THSD4: variants seen among roughly 807,000 people sequenced by gnomAD.
THSD4 encodes the protein thrombospondin type-1 domain-containing protein 4.
THSD4 carries 69 observed loss-of-function variants against 119.0 expected under a neutral mutation model. The observed-to-expected ratio is 0.58, with a 90% CI of 0.48 to 0.71. The LOEUF (loss-of-function observed/expected upper bound fraction) is 0.71, where lower values mean the gene tolerates loss of function less well. Among genes scored for constraint, THSD4 ranks in the 30% least tolerant of loss-of-function variants. The probability of loss-of-function intolerance (pLI) is 0.00; values close to 1 mark genes in which losing one functional copy is unlikely to be tolerated. For synonymous variants in THSD4, 524 were observed against 540.4 expected (o/e 0.97, Z 0.42); for missense variants, 1,393 against 1,391.1 (o/e 1.00, Z -0.02).
chr15:71,526,644 A>G (rs7162693), intron 7 of THSD4, among the ~76,000 whole-genome samples: 9,937 of 152,218 alleles, frequency 0.065, 1,048 homozygotes, highest in African/African-American at 0.22. Flanking sequence ...ATGTGAAATG[A>G]AGCTTAATCT....
At chr15:71,157,731 T>C (rs1215500951) in intron 3 of THSD4, among the ~76,000 whole-genome samples, 1 of 151,132 alleles carries the variant, frequency 6.6e-6, no homozygotes, top group African/African-American at 2.4e-5. Context: ...AGATCTGTGG[T>C]ATTTGTCTTT....
chr15:71,421,158 CAAAAAAAAAAAAAAA>C (rs769831708), intron 7 of THSD4, among the ~76,000 whole-genome samples: 1 of 18,780 alleles, frequency 5.3e-5, no homozygotes, highest in African/African-American at 1.8e-4. Flanking sequence ...GACTCCGTCT[CAAAAAAAAAAAAAAA>C]AAAAAAAAAA....
At chr15:71,496,828 G>T (rs1258529210) in intron 7 of THSD4, among the ~76,000 whole-genome samples, 1 of 152,130 alleles carries the variant, frequency 6.6e-6, no homozygotes, top group Non-Finnish European at 1.5e-5. Flanking sequence ...CTCTGACATG[G>T]CTCCTCCCTT....
At chr15:71,519,085 A>G (rs1487762167) in intron 7 of THSD4, among the ~76,000 whole-genome samples, 1 of 152,228 alleles carries the variant, frequency 6.6e-6, no homozygotes, top group East Asian at 1.9e-4. Context: ...GAGCTCTCAG[A>G]AGGATTTTCT....
chr15:71,197,358 T>G (rs1158814409), intron 3 of THSD4, among the ~76,000 whole-genome samples: 6 of 152,232 alleles, frequency 3.9e-5, no homozygotes, highest in African/African-American at 1.4e-4. Context: ...TGGCCATCTC[T>G]TCAATGGTTT....
At chr15:71,329,626 C>T (rs562155684) in intron 6 of THSD4, among the ~76,000 whole-genome samples, 33 of 152,286 alleles carry the variant, frequency 2.2e-4, no homozygotes, top group African/African-American at 7.2e-4. Context: ...TGGACATTCC[C>T]GAGACGCCAG....
chr15:71,628,678 G>C (rs2050555239), intron 7 of THSD4, among the ~76,000 whole-genome samples: 1 of 152,206 alleles, frequency 6.6e-6, no homozygotes, highest in South Asian at 2.1e-4. Flanking sequence ...TGCGTAACAA[G>C]GGTGTCAATA....
At chr15:71,199,615 G>A (rs2043758807) in intron 3 of THSD4, among the ~76,000 whole-genome samples, 18 of 145,612 alleles carry the variant, frequency 1.2e-4, no homozygotes, top group African/African-American at 4.0e-4. Context: ...TGTGTGTGGT[G>A]TGTGGGTGTG....
chr15:71,103,197 G>A (rs2415105), intron 1 of THSD4, among the ~76,000 whole-genome samples: 33,918 of 150,588 alleles, frequency 0.23, 4,944 homozygotes, highest in African/African-American at 0.42. Context: ...TTATTTTTGC[G>A]AGTCCAAACC....
At chr15:71,375,831 A>G (rs983704372) in intron 6 of THSD4, among the ~76,000 whole-genome samples, 1 of 152,204 alleles carries the variant, frequency 6.6e-6, no homozygotes, top group Non-Finnish European at 1.5e-5. Context: ...TTCCACACCT[A>G]CTAAATCAGA....
chr15:71,337,131 G>A (rs2045498867), intron 6 of THSD4, among the ~76,000 whole-genome samples: 1 of 152,198 alleles, frequency 6.6e-6, no homozygotes, highest in South Asian at 2.1e-4. Context: ...CTAGGCAGAG[G>A]AAGTCTGTGC....
intron 13 of THSD4, 132 bp downstream of exon 13, chr15:71,747,174 A>T: frequency 9.2e-7 from 1 of 1,090,348 alleles, no homozygotes; most frequent in Non-Finnish European, 1.3e-6. Context: ...GGGGGTCTGG[A>T]CGGCTGTTTT....
At chr15:71,134,334 G>A (rs141810664) in intron 1 of THSD4, among the ~76,000 whole-genome samples, 3,204 of 152,334 alleles carry the variant, frequency 0.021, 50 homozygotes, top group South Asian at 0.033. Flanking sequence ...GGGCTGTGAC[G>A]ATTGATGACC....
intron 7 of THSD4, among the ~76,000 whole-genome samples, chr15:71,563,110 G>C: frequency 6.6e-6 from 1 of 152,158 alleles, no homozygotes; most frequent in South Asian, 2.1e-4. Context: ...CTGAGACTGG[G>C]AAACCATCTC....
At chr15:71,350,158 A>T (rs573296239) in intron 6 of THSD4, among the ~76,000 whole-genome samples, 7 of 152,144 alleles carry the variant, frequency 4.6e-5, no homozygotes, top group African/African-American at 1.4e-4. Context: ...AAAAAAAAAA[A>T]AAATGAACAT....
At chr15:71,199,542 T>TGTGTGTGGTGC (rs2043754665) in intron 3 of THSD4, among the ~76,000 whole-genome samples, 3 of 128,686 alleles carry the variant, frequency 2.3e-5, no homozygotes, top group African/African-American at 1.0e-4. Flanking sequence ...GTGGTGTGTG[T>TGTGTGTGGTGC]ATGTGTGGTG....
At chr15:71,370,960 C>T (rs908069544) in intron 6 of THSD4, among the ~76,000 whole-genome samples, 1 of 152,178 alleles carries the variant, frequency 6.6e-6, no homozygotes, top group African/African-American at 2.4e-5. Context: ...AATCTGGTTG[C>T]TCCTGTATTG....
intron 8 of THSD4, among the ~76,000 whole-genome samples, chr15:71,727,206 T>G (rs1044936681): frequency 2.0e-5 from 3 of 151,978 alleles, no homozygotes; most frequent in African/African-American, 7.3e-5. Flanking sequence ...GATTATAACA[T>G]CTGCTGTGCA....
intron 7 of THSD4, among the ~76,000 whole-genome samples, chr15:71,439,014 C>G (rs1327936063): frequency 6.6e-6 from 1 of 152,144 alleles, no homozygotes; most frequent in Non-Finnish European, 1.5e-5. Flanking sequence ...TAGGCCAGAT[C>G]AAGATCTCAT....
Sources: allele counts gnomAD v4.1 joint callset (sites outside exome capture counted in the v4.1 genomes callset), GRCh38; gene constraint gnomAD v4.1.1; transcripts MANE v1.5; gene names NCBI Gene and HGNC (gene_info 2026-07-23, HGNC 2026-07-21).